Variants in IGF2R observed in about 807,000 individuals in gnomAD.
The protein encoded by IGF2R is insulin like growth factor 2 receptor.
IGF2R carries 91 observed loss-of-function variants against 270.6 expected under a neutral mutation model. The ratio of observed to expected loss-of-function variants is 0.34; its 90% CI spans 0.28 to 0.40. IGF2R has a LOEUF of 0.40. Among genes scored for constraint, IGF2R ranks in the 10% least tolerant of loss-of-function variants. The probability of loss-of-function intolerance (pLI) is 1.00; values close to 1 mark genes in which losing one functional copy is unlikely to be tolerated. For synonymous variants in IGF2R, 1,316 were observed against 1,258.9 expected (o/e 1.05, Z -0.96); for missense variants, 2,805 against 3,188.3 (o/e 0.88, Z 2.90).
rs538674414 is a variant in IGF2R at position 159,988,297 on chromosome 6, C to T, written c.150-2887C>T. Among the ~76,000 whole-genome samples, 60 of 152,106 alleles carry T rather than the reference C, an allele frequency of 3.9e-4. No individual in the cohort carries two copies. In the South Asian group the frequency reaches 0.012, roughly 30 times the overall value. The stretch of plus-strand genomic sequence containing the variant: ...TTGGGAAGCTGAGGCAGGCGGATCA[C>T]GAGATCAGGAGATTAAGACCATCCT... On this transcript the variant is annotated intron_variant, in intron 1 of 47. Coordinates refer to ENST00000356956, the MANE Select transcript of IGF2R (RefSeq NM_000876.4).
chr6:160,028,449 G>A lies in IGF2R; in HGVS notation c.777-1101G>A, dbSNP rs139721221. ...GGGAAACAGTTCAGTCCATAACAGA[G>A]TCTTTAAGTGACACATTGGTAATTC... On this transcript the variant is annotated intron_variant, in intron 6 of 47. Transcript: ENST00000356956. 1.3e-3 allele frequency among the ~76,000 whole-genome samples: 201 copies of A among 152,360 alleles called. 1 individual carries two copies. Among genetic ancestry groups the A allele is most frequent in the Middle Eastern group, 6.8e-3 (2 of 294 alleles).
chr6:159,978,075 G>C (rs1468205818), intron 1 of IGF2R, among the ~76,000 whole-genome samples: 1 of 152,012 alleles, frequency 6.6e-6, no homozygotes. Context: ...CCTGTTTCTC[G>C]CCCTCCCAGA....
chr6:159,992,800 G>A (rs1783999337), intron 2 of IGF2R, among the ~76,000 whole-genome samples: 1 of 152,138 alleles, frequency 6.6e-6, no homozygotes, highest in Non-Finnish European at 1.5e-5. Context: ...TGGATGGAAT[G>A]GTAGTTCTAT....
chr6:159,972,164 C>T (rs1177677812), intron 1 of IGF2R, among the ~76,000 whole-genome samples: 2 of 151,746 alleles, frequency 1.3e-5, no homozygotes, highest in South Asian at 2.1e-4. Context: ...CAAGGTGTGA[C>T]GTGTTAAGCT....
At chr6:160,072,907 T>G in intron 33 of IGF2R, 23 bp downstream of exon 33, 1 of 1,599,816 alleles carries the variant, frequency 6.3e-7, no homozygotes, top group Non-Finnish European at 8.5e-7. Flanking sequence ...GTCTCTCGTG[T>G]GTTGTCTGAC....
intron 45 of IGF2R, among the ~76,000 whole-genome samples, chr6:160,101,482 G>C (rs1350062149): frequency 1.3e-5 from 2 of 152,226 alleles, no homozygotes; most frequent in African/African-American, 4.8e-5. Context: ...TCTTGCTGAT[G>C]TTTTAGATTG....
intron 2 of IGF2R, among the ~76,000 whole-genome samples, chr6:159,997,535 C>T (rs1784071228): frequency 6.6e-6 from 1 of 152,204 alleles, no homozygotes; most frequent in Non-Finnish European, 1.5e-5. Context: ...AGCTCTCCCA[C>T]AGTTCGGGTA....
At position 160,105,284 on chromosome 6, in the gene IGF2R, C is replaced by T. The variant is rs1475249819; in HGVS notation, c.*200C>T. On this transcript the variant is annotated 3_prime_UTR_variant, in exon 48 of 48. Coordinates refer to ENST00000356956, the MANE Select transcript of IGF2R (RefSeq NM_000876.4). The stretch of plus-strand genomic sequence containing the variant: ...ATTGTTTACAGTCATTGGAATAAGG[C>T]ATGGCTCAGATCGGCCACAGGGCGG... 1.1e-5 allele frequency: 6 copies of T among 564,674 alleles called. No homozygotes were observed. The highest frequency in any genetic ancestry group is 1.9e-5 in the Non-Finnish European group (6 of 322,012). The allele number at this position is 564,674 out of a possible 1,614,324, so 35.0% of individuals were successfully genotyped here. A position where few individuals can be genotyped will look rare whatever the true frequency, so the allele number is the denominator to read the frequency against.
At position 160,061,775 on chromosome 6, in the gene IGF2R, A is replaced by G. The variant is rs373020438; in HGVS notation, c.3429A>G (p.Leu1143=). The change falls in exon 25 of 48, where the codon TTA becomes TTG. Residue 1143 remains leucine (L), a synonymous_variant. Coordinates refer to ENST00000356956, the MANE Select transcript of IGF2R (RefSeq NM_000876.4). ...CAGGCAGCGCAGTGGGGTCTTGCTT[A>G]GTGTCAGAAGGCAATAGCTGGAATC... ...GCQGSAVGSC[L]VSEGNSWNLG... 41 of 1,614,042 alleles carry G rather than the reference A, an allele frequency of 2.5e-5. No individual in the cohort carries two copies. The Middle Eastern group carries it at 1.3e-3, about 52-fold the overall frequency.
chr6:160,021,651 C>T (rs551573932), intron 4 of IGF2R, among the ~76,000 whole-genome samples: 20 of 144,002 alleles, frequency 1.4e-4, no homozygotes, highest in Admixed American at 7.5e-4. Flanking sequence ...ATATATGGAA[C>T]GTAATAAAAA....
At chr6:160,067,031 C>T (rs1023761250) in intron 29 of IGF2R, among the ~76,000 whole-genome samples, 2 of 152,188 alleles carry the variant, frequency 1.3e-5, no homozygotes, top group African/African-American at 2.4e-5. Flanking sequence ...ATATAAGTCC[C>T]ACCATGTCGC....
chr6:160,083,313 C>T (rs528221326), intron 39 of IGF2R, among the ~76,000 whole-genome samples: 152 of 152,308 alleles, frequency 1.0e-3, no homozygotes, highest in African/African-American at 3.4e-3. Flanking sequence ...TTACTGCAAA[C>T]GTGTCTCGCC....
rs1778935687 is a variant in IGF2R at position 160,079,690 on chromosome 6, G to A, written c.5589G>A (p.Gly1863=). The part of the protein sequence containing the change: ...GGVCLLSGTK[G]ASFGRLQSMK... ...TCTGTCTGCTCTCAGGCACCAAGGG[G>A]GCATCCTTTGGACGGCTGCAATCAA... is the stretch of plus-strand genomic sequence containing the variant. Residue 1863 remains glycine, a synonymous_variant, in exon 38 of 48, where the codon GGG becomes GGA. Transcript: ENST00000356956. 1 of 1,542,758 alleles carries A rather than the reference G, an allele frequency of 6.5e-7. No individual in the cohort carries two copies. Among genetic ancestry groups the A allele is most frequent in the East Asian group, 2.3e-5 (1 of 42,602 alleles).
intron 10 of IGF2R, among the ~76,000 whole-genome samples, chr6:160,038,062 A>G (rs528264898): frequency 2.6e-5 from 4 of 152,308 alleles, no homozygotes; most frequent in African/African-American, 9.6e-5. Flanking sequence ...CCACAGAGAA[A>G]TGGGTGCTGC....
intron 11 of IGF2R, among the ~76,000 whole-genome samples, chr6:160,042,232 C>T (rs1334471667): frequency 2.0e-5 from 3 of 152,302 alleles, no homozygotes; most frequent in African/African-American, 7.2e-5. Context: ...GGCTCCACCC[C>T]AGACTTCCAG....
chr6:160,035,211 C>T (rs142256464), intron 10 of IGF2R, among the ~76,000 whole-genome samples: 1 of 152,322 alleles, frequency 6.6e-6, no homozygotes, highest in Non-Finnish European at 1.5e-5. Flanking sequence ...CACCACTGCT[C>T]AGAGCAATTC....
intron 5 of IGF2R, among the ~76,000 whole-genome samples, chr6:160,025,475 A>G (rs373314837): frequency 2.0e-5 from 3 of 152,224 alleles, no homozygotes; most frequent in South Asian, 4.1e-4. Flanking sequence ...GCCCTTAGAA[A>G]AGTTTGGAGA....
intron 1 of IGF2R, among the ~76,000 whole-genome samples, chr6:159,979,575 C>T (rs992451704): frequency 1.8e-4 from 27 of 152,124 alleles, no homozygotes; most frequent in Non-Finnish European, 2.6e-4. Context: ...GTGGCAGAGT[C>T]GGGGGTTGGG....
chr6:159,991,269 C>G lies in IGF2R; in HGVS notation c.235C>G (p.Pro79Ala), dbSNP rs1583245880. The G allele has an allele frequency of 6.2e-7, 1 of 1,613,762 alleles. No homozygotes were observed. Among genetic ancestry groups the G allele is most frequent in the East Asian group, 2.2e-5 (1 of 44,854 alleles). Residue 79 changes from proline to alanine, a missense_variant, in exon 2 of 48, where the codon CCA (proline) becomes GCA (alanine). Pro to Ala is a conservative substitution (Grantham distance 27). Around this residue, in one of 2 missense-constraint regions of IGF2R, gnomAD observed 954 missense variants for 981.1 expected, o/e 0.97. Transcript: ENST00000356956. Reference sequence around the variant, plus strand: ...AAGTGTGGATATTGTCCAGTGCGGGCCATCAAGTGCTGTTTGTATGCACGA... The same window carrying G: ...AAGTGTGGATATTGTCCAGTGCGGGGCATCAAGTGCTGTTTGTATGCACGA... ...CGSVDIVQCGPSSAVCMHDLK... is the reference protein window; with the variant it reads ...CGSVDIVQCGASSAVCMHDLK...
Sources: gnomAD v4.1 joint callset for allele counts (sites outside exome capture counted in the v4.1 genomes callset) on GRCh38, gnomAD v4.1.1 for gene constraint, gnomAD v4.1.1 regional missense constraint, MANE v1.5 for transcripts, NCBI Gene and HGNC (gene_info 2026-07-23, HGNC 2026-07-21) for gene names.